The following ATAD2B variants were observed in gnomAD, a reference collection of about 807,000 sequenced individuals.
ATAD2B encodes the protein ATPase family AAA domain containing 2B.
ATAD2B carries 40 observed loss-of-function variants against 167.6 expected under a neutral mutation model. That is an observed-to-expected ratio of 0.24 (90% confidence interval 0.19 to 0.31). ATAD2B has a LOEUF of 0.31. Ranked by LOEUF, ATAD2B falls within the 10% of genes least tolerant of loss-of-function variation. The pLI is 1.00. For missense variants in ATAD2B, 1,242 were observed against 1,757.2 expected (o/e 0.71, Z 5.24); for synonymous variants, 579 against 596.5 (o/e 0.97, Z 0.43).
At chr2:23,758,847 GTGAAAAGGGAGGCCTACAAAAGT>G (rs1676275913) in intron 24 of ATAD2B, among the ~76,000 whole-genome samples, 1 of 152,162 alleles carries the variant, frequency 6.6e-6, no homozygotes, top group East Asian at 1.9e-4. Flanking sequence ...GGTCACTTAT[GTGAAAAGGGAGGCCTACAAAAGT>G]TGTAAGGACT....
intron 18 of ATAD2B, among the ~76,000 whole-genome samples, chr2:23,805,806 A>AAAAC (rs1553396417): frequency 6.9e-6 from 1 of 145,702 alleles, no homozygotes; most frequent in Non-Finnish European, 1.5e-5. Context: ...AAAAAAAAAA[A>AAAAC]AACAAATCTG....
intron 17 of ATAD2B, among the ~76,000 whole-genome samples, chr2:23,816,036 A>G (rs1444962111): frequency 6.6e-6 from 1 of 152,222 alleles, no homozygotes; most frequent in Admixed American, 6.5e-5. Flanking sequence ...GGGCACTTTT[A>G]CAAAACATTT....
At position 23,773,387 on chromosome 2, in the gene ATAD2B, G is replaced by A. The variant is rs567789511; in HGVS notation, c.3134-7759C>T. ...CAGGCTTGGTGGCTCATGTGGTCCC[G>A]GCTATTCAGGAGACTGAAGTGGGAA... is the stretch of plus-strand genomic sequence containing the variant. On this transcript the variant is annotated intron_variant, in intron 22 of 27. Coordinates refer to ENST00000238789, the MANE Select transcript of ATAD2B (RefSeq NM_017552.4). 7.9e-5 allele frequency among the ~76,000 whole-genome samples: 12 copies of A among 152,128 alleles called. No homozygotes were observed. The South Asian group carries it at 1.5e-3, about 18-fold the overall frequency.
intron 6 of ATAD2B, among the ~76,000 whole-genome samples, chr2:23,883,939 T>C (rs1430275180): frequency 2.0e-5 from 3 of 150,904 alleles, no homozygotes; most frequent in African/African-American, 7.3e-5. Flanking sequence ...AGGTCAGGAG[T>C]TCAACACAAG....
the ATAD2B span, among the ~76,000 whole-genome samples, chr2:23,711,997 C>T: frequency 0.1 from 15,454 of 152,182 alleles, 876 homozygotes; most frequent in Middle Eastern, 0.17. Context: ...GTGGCTTGCC[C>T]GGTTATAGTT....
chr2:23,872,842 G>A, intron 8 of ATAD2B: 1 of 972,488 alleles, frequency 1.0e-6, no homozygotes, highest in Non-Finnish European at 1.7e-6. Flanking sequence ...GCACTGAGGT[G>A]AAGCAGATGT....
chr2:23,679,676 G>C, the ATAD2B span, among the ~76,000 whole-genome samples: 1 of 147,434 alleles, frequency 6.8e-6, no homozygotes, highest in Non-Finnish European at 1.5e-5. Flanking sequence ...ATAAAACATA[G>C]TCTAGTGCAG....
intron 25 of ATAD2B, among the ~76,000 whole-genome samples, chr2:23,757,014 C>A (rs1676028608): frequency 1.3e-5 from 2 of 152,098 alleles, no homozygotes; most frequent in African/African-American, 4.8e-5. Context: ...ATATATCATA[C>A]TGCTATTATC....
Position 23,810,509 on chromosome 2 carries a change from TACATGTAAG to T in ATAD2B, c.2268-16_2268-8del. 1 of 1,608,972 alleles carries T rather than the reference TACATGTAAG, an allele frequency of 6.2e-7. No individual in the cohort carries two copies. The highest frequency in any genetic ancestry group is 8.5e-7 in the Non-Finnish European group (1 of 1,175,760). ...TGGCTGATGATATGGTGACCTGTAATACATGTAAGACATAATTATTTCAAAGGCATACAT... is the reference window on the plus strand; with the variant it reads ...TGGCTGATGATATGGTGACCTGTAATACATAATTATTTCAAAGGCATACAT... On this transcript the variant is annotated splice_polypyrimidine_tract_variant and splice_region_variant and intron_variant, in intron 17 of 27. Coordinates refer to ENST00000238789, the MANE Select transcript of ATAD2B (RefSeq NM_017552.4).
intron 6 of ATAD2B, chr2:23,883,766 A>C: frequency 3.0e-6 from 1 of 332,952 alleles, no homozygotes. Flanking sequence ...CTACACAAAT[A>C]ATGGGAACTA....
At chr2:23,917,598 C>T (rs1274595805) in intron 1 of ATAD2B, among the ~76,000 whole-genome samples, 3 of 151,712 alleles carry the variant, frequency 2.0e-5, no homozygotes, top group Non-Finnish European at 2.9e-5. Flanking sequence ...GTCTGCTTAC[C>T]GGGATTTTTT....
Position 23,867,957 on chromosome 2 carries a change from T to C in ATAD2B, c.1077-11A>G, listed in dbSNP as rs200870705. Reference sequence around the variant, plus strand: ...TTCATAGGCAAACATCTGAAATTTATAAAAGTGCAAGTAAAGTTGCATTAA... The same window carrying C: ...TTCATAGGCAAACATCTGAAATTTACAAAAGTGCAAGTAAAGTTGCATTAA... On this transcript the variant is annotated splice_polypyrimidine_tract_variant and intron_variant, in intron 9 of 27. Transcript: ENST00000238789. 1.3e-5 allele frequency: 20 copies of C among 1,564,750 alleles called. No individual in the cohort carries two copies. The highest frequency in any genetic ancestry group is 1.6e-5 in the Non-Finnish European group (18 of 1,144,948).
intron 1 of ATAD2B, among the ~76,000 whole-genome samples, chr2:23,924,162 C>CT (rs1482973013): frequency 6.6e-6 from 1 of 152,052 alleles, no homozygotes; most frequent in Non-Finnish European, 1.5e-5. Flanking sequence ...CCAGCCTGGG[C>CT]TACAGCGAGA....
At chr2:23,734,812 C>G in the ATAD2B span, among the ~76,000 whole-genome samples, 1 of 152,160 alleles carries the variant, frequency 6.6e-6, no homozygotes, top group Non-Finnish European at 1.5e-5. Context: ...ATCAGTTCCT[C>G]TCCTCTATCT....
At chr2:23,741,925 T>C in the ATAD2B span, among the ~76,000 whole-genome samples, 5 of 152,184 alleles carry the variant, frequency 3.3e-5, no homozygotes, top group Non-Finnish European at 5.9e-5. Context: ...AAAGAAGACA[T>C]TTATGCAGCC....
At chr2:23,876,710 A>G (rs912367999) in intron 7 of ATAD2B, among the ~76,000 whole-genome samples, 1 of 152,216 alleles carries the variant, frequency 6.6e-6, no homozygotes, top group Non-Finnish European at 1.5e-5. Flanking sequence ...TTGCAAATAA[A>G]CATTCTAAAC....
chr2:23,680,631 G>T, the ATAD2B span, among the ~76,000 whole-genome samples: 1 of 151,952 alleles, frequency 6.6e-6, no homozygotes, highest in Admixed American at 6.5e-5. The surrounding 1 kb of genome is among the most constrained non-coding windows in gnomAD (Gnocchi z 4.1). Flanking sequence ...GGCTCTCTAG[G>T]CCATCTTCTC....
At chr2:23,913,646 A>G (rs1187983297) in intron 1 of ATAD2B, among the ~76,000 whole-genome samples, 1 of 152,014 alleles carries the variant, frequency 6.6e-6, no homozygotes, top group Non-Finnish European at 1.5e-5. Flanking sequence ...TTGAGAAAAA[A>G]AAAAAAAAAA....
chr2:23,862,772 C>A (rs1573102614), intron 12 of ATAD2B, among the ~76,000 whole-genome samples: 1 of 144,482 alleles, frequency 6.9e-6, no homozygotes, highest in African/African-American at 2.9e-5. Context: ...TGCACAGATA[C>A]TTAAGTTTTT....
Sources: gnomAD v4.1 joint callset for allele counts (sites outside exome capture counted in the v4.1 genomes callset) on GRCh38, gnomAD v4.1.1 for gene constraint, Gnocchi (gnomAD v3.1) non-coding constraint, MANE v1.5 for transcripts, NCBI Gene and HGNC (gene_info 2026-07-23, HGNC 2026-07-21) for gene names.